Variants in RAPGEF6 observed in about 807,000 individuals in gnomAD.
RAPGEF6 encodes PDZ domain containing guanine nucleotide exchange factor (GEF) 2.
A neutral mutation model predicts 171.4 loss-of-function variants in RAPGEF6; 56 were observed. The ratio of observed to expected loss-of-function variants is 0.33; its 90% CI spans 0.26 to 0.41. RAPGEF6 has a LOEUF of 0.41. Ranked by LOEUF, RAPGEF6 falls within the 10% of genes least tolerant of loss-of-function variation. The probability of loss-of-function intolerance (pLI) is 1.00; values close to 1 mark genes in which losing one functional copy is unlikely to be tolerated. For missense variants in RAPGEF6, 1,674 were observed against 1,921.4 expected (o/e 0.87, Z 2.41); for synonymous variants, 692 against 650.1 (o/e 1.06, Z -0.98).
rs200695209 is a variant in RAPGEF6, at chr5:131,453,059, T to G, written c.3195A>C (p.Arg1065=). ...SANMDPAMMF[R]QRSLSQGSTN... Reference sequence around the variant, plus strand: ...TACATATTTCAATGTCCTACCTCTGTCGAAACATCATAGCTGGGTCCATGT... The same window carrying G: ...TACATATTTCAATGTCCTACCTCTGGCGAAACATCATAGCTGGGTCCATGT... The change falls in exon 21 of 28, where the codon CGA becomes CGC. Residue 1065 remains arginine, a synonymous_variant. Coordinates refer to ENST00000509018, the MANE Select transcript of RAPGEF6 (RefSeq NM_016340.6). The G allele has an allele frequency of 1.2e-6, 2 of 1,613,194 alleles. No individual in the cohort carries two copies. Among genetic ancestry groups the G allele is most frequent in the South Asian group, 2.2e-5 (2 of 90,878 alleles).
chr5:131,600,641 G>A lies in RAPGEF6; in HGVS notation c.197+2630C>T, dbSNP rs139817715. On this transcript the variant is annotated intron_variant, in intron 3 of 27. Transcript: ENST00000509018. ...GGAGAGAAGAGGAGAGGAGGAGGGAGCGAAGGAAGGAAGGAAGGAAGGAAA... is the reference window on the plus strand; with the variant it reads ...GGAGAGAAGAGGAGAGGAGGAGGGAACGAAGGAAGGAAGGAAGGAAGGAAA... 7.1e-3 allele frequency among the ~76,000 whole-genome samples: 1,061 copies of A among 150,188 alleles called. 7 individuals carry two copies. Among genetic ancestry groups the A allele is most frequent in the African/African-American group, 0.024 (982 of 40,734 alleles).
chr5:131,634,460 A>G (rs1027458065), intron 1 of RAPGEF6, among the ~76,000 whole-genome samples: 1 of 152,242 alleles, frequency 6.6e-6, no homozygotes. Context: ...TGTTCTTTAA[A>G]CATGCATCAT....
At chr5:131,474,672 T>A (rs757851405) in intron 16 of RAPGEF6, among the ~76,000 whole-genome samples, 8 of 152,178 alleles carry the variant, frequency 5.3e-5, no homozygotes, top group Non-Finnish European at 1.2e-4. Flanking sequence ...CTCCTTATAA[T>A]TTGGTTTGTA....
intron 15 of RAPGEF6, among the ~76,000 whole-genome samples, chr5:131,482,464 A>C (rs1453836886): frequency 2.6e-5 from 4 of 152,042 alleles, no homozygotes; most frequent in Non-Finnish European, 5.9e-5. Context: ...TACTGCACCC[A>C]GCTCATTTTT....
intron 6 of RAPGEF6, among the ~76,000 whole-genome samples, chr5:131,535,762 T>G (rs1184929508): frequency 6.6e-6 from 1 of 152,136 alleles, no homozygotes; most frequent in Non-Finnish European, 1.5e-5. Flanking sequence ...AAATACAAAC[T>G]GAAATACTTA....
chr5:131,619,033 T>C (rs538708013), intron 1 of RAPGEF6, among the ~76,000 whole-genome samples: 23 of 148,346 alleles, frequency 1.6e-4, no homozygotes, highest in African/African-American at 5.7e-4. Flanking sequence ...AAAAGTGCAA[T>C]GTTCATGAAA....
intron 6 of RAPGEF6, chr5:131,532,900 A>C (rs1032197047): frequency 2.0e-5 from 3 of 152,584 alleles, no homozygotes; most frequent in Admixed American, 2.0e-4. Context: ...ATGGTACAAA[A>C]CCATTATATC....
chr5:131,564,873 T>C (rs77870225), intron 4 of RAPGEF6, among the ~76,000 whole-genome samples: 85 of 152,314 alleles, frequency 5.6e-4, no homozygotes, highest in African/African-American at 1.9e-3. Context: ...GTTTGTTCCA[T>C]TTATCAGTAA....
chr5:131,528,121 AAT>A (rs1437593035), intron 6 of RAPGEF6, among the ~76,000 whole-genome samples: 1 of 121,830 alleles, frequency 8.2e-6, no homozygotes, highest in Admixed American at 1.0e-4. Context: ...TATCATATAA[AAT>A]ATATATTATA....
At chr5:131,571,001 G>A (rs1762247958) in intron 4 of RAPGEF6, among the ~76,000 whole-genome samples, 1 of 146,066 alleles carries the variant, frequency 6.8e-6, no homozygotes, top group Admixed American at 7.0e-5. Context: ...CTGGAATGCA[G>A]TGGCGCAATC....
intron 1 of RAPGEF6, among the ~76,000 whole-genome samples, chr5:131,619,942 G>A (rs562065544): frequency 6.6e-6 from 1 of 152,094 alleles, no homozygotes; most frequent in Non-Finnish European, 1.5e-5. Flanking sequence ...TGTAAAATGT[G>A]GATAATAATA....
chr5:131,626,259 C>G (rs1464962760), intron 1 of RAPGEF6, among the ~76,000 whole-genome samples: 1 of 152,146 alleles, frequency 6.6e-6, no homozygotes, highest in Non-Finnish European at 1.5e-5. Context: ...AGCACTGCCC[C>G]ATCTCTAATT....
chr5:131,579,287 G>C (rs764883513), intron 4 of RAPGEF6, among the ~76,000 whole-genome samples: 3 of 152,188 alleles, frequency 2.0e-5, no homozygotes, highest in Non-Finnish European at 2.9e-5. Flanking sequence ...TGGACCCAAA[G>C]AGTGAGCAGC....
intron 4 of RAPGEF6, among the ~76,000 whole-genome samples, chr5:131,591,232 C>T (rs1763568367): frequency 6.6e-6 from 1 of 152,066 alleles, no homozygotes; most frequent in Non-Finnish European, 1.5e-5. Context: ...AATTTCTTCT[C>T]AACATTTTGG....
At chr5:131,478,260 T>C (rs1341067805) in intron 16 of RAPGEF6, among the ~76,000 whole-genome samples, 1 of 152,074 alleles carries the variant, frequency 6.6e-6, no homozygotes, top group African/African-American at 2.4e-5. Context: ...ATTGAAAAAA[T>C]ATTTAAAAAT....
intron 1 of RAPGEF6, among the ~76,000 whole-genome samples, chr5:131,618,319 T>G (rs1765397209): frequency 6.6e-6 from 1 of 151,844 alleles, no homozygotes; most frequent in Non-Finnish European, 1.5e-5. Flanking sequence ...AACTAACAAA[T>G]GTAAAAGAAA....
In RAPGEF6 at chr5:131,623,477, C is replaced by CTTT. The variant is rs763921579; in HGVS notation, c.69+11482_69+11484dup. 2.7e-3 allele frequency among the ~76,000 whole-genome samples: 313 copies of CTTT among 114,090 alleles called. 1 individual carries two copies. Among genetic ancestry groups the CTTT allele is most frequent in the African/African-American group, 4.2e-3 (124 of 29,628 alleles). The allele number at this position is 114,090 out of a possible 152,430, so 74.8% of individuals were successfully genotyped here. A position where few individuals can be genotyped will look rare whatever the true frequency, so the allele number is the denominator to read the frequency against. ...TAAAGGAACAGTATTTTTCACATTG[C>CTTT]TTTTTTTTTTTTTTTTTTTTTGTGA... On this transcript the variant is annotated intron_variant, in intron 1 of 27. Coordinates refer to ENST00000509018, the MANE Select transcript of RAPGEF6 (RefSeq NM_016340.6).
intron 22 of RAPGEF6, among the ~76,000 whole-genome samples, chr5:131,445,585 G>A (rs183645104): frequency 7.2e-5 from 11 of 151,852 alleles, no homozygotes; most frequent in South Asian, 6.2e-4. Context: ...GTGTGTGCGC[G>A]CGTATTTATT....
chr5:131,621,983 C>G (rs1231799317), intron 1 of RAPGEF6, among the ~76,000 whole-genome samples: 2 of 152,152 alleles, frequency 1.3e-5, no homozygotes, highest in African/African-American at 4.8e-5. Flanking sequence ...TTGCTATCTC[C>G]TCCCCAGATG....
Sources: gnomAD v4.1 joint callset for allele counts (sites outside exome capture counted in the v4.1 genomes callset) on GRCh38, gnomAD v4.1.1 for gene constraint, MANE v1.5 for transcripts, NCBI Gene and HGNC (gene_info 2026-07-23, HGNC 2026-07-21) for gene names.